Variants in PBLD observed in about 807,000 individuals in gnomAD.
PBLD encodes the protein phenazine biosynthesis-like domain-containing protein.
PBLD carries 26 observed loss-of-function variants against 31.3 expected under a neutral mutation model. That is an observed-to-expected ratio of 0.83 (90% CI 0.61 to 1.15). PBLD has a LOEUF of 1.15. PBLD is among the 50% of genes most tolerant of loss of function. PBLD has a pLI of 0.00. For synonymous variants in PBLD, 114 were observed against 129.0 expected (o/e 0.88, Z 0.79); for missense variants, 307 against 351.7 (o/e 0.87, Z 1.02).
intron 1 of PBLD, among the ~76,000 whole-genome samples, chr10:68,320,365 AATAC>A (rs1368900414): frequency 6.6e-6 from 1 of 152,174 alleles, no homozygotes; most frequent in Non-Finnish European, 1.5e-5. Flanking sequence ...AGAGCCCCAA[AATAC>A]ATGATGCAAA....
In PBLD at chr10:68,284,185, T is replaced by A; in HGVS notation, c.859A>T (p.Thr287Ser). ...TCACAGCATAACCACCTCTAGGCTG[T>A]CAGTGTGCCCTCTAAAACAACAGCT... ...GAAVVLEGTL[T>S]A The change falls in exon 10 of 10, where the codon ACA (threonine) becomes TCA (serine). Residue 287 changes from threonine (T) to serine (S), a missense_variant. Thr to Ser is a moderately conservative substitution (Grantham distance 58). Transcript: ENST00000358769. 1 of 1,613,730 alleles carries A rather than the reference T, an allele frequency of 6.2e-7. No homozygotes were observed. Among genetic ancestry groups the A allele is most frequent in the South Asian group, 1.1e-5 (1 of 91,062 alleles).
At chr10:68,329,054 G>A (rs1041544172) in intron 1 of PBLD, among the ~76,000 whole-genome samples, 13 of 152,232 alleles carry the variant, frequency 8.5e-5, no homozygotes, top group Admixed American at 5.9e-4. Context: ...AATTTTTATA[G>A]TTTTAGCAGA....
At chr10:68,324,960 TC>T (rs61104570) in intron 1 of PBLD, among the ~76,000 whole-genome samples, 151,966 of 151,966 alleles carry the variant, frequency 1, 75,983 homozygotes, top group Non-Finnish European at 1. Context: ...AAACACTACA[TC>T]TGGGCTAGGT....
intron 1 of PBLD, among the ~76,000 whole-genome samples, chr10:68,319,843 G>A (rs1398132531): frequency 2.2e-5 from 3 of 139,246 alleles, no homozygotes; most frequent in Non-Finnish European, 4.6e-5. Context: ...TTTTTTTTGA[G>A]ATGGAGTTTC....
intron 4 of PBLD, among the ~76,000 whole-genome samples, chr10:68,295,133 T>C (rs933508132): frequency 6.6e-6 from 1 of 152,150 alleles, no homozygotes; most frequent in African/African-American, 2.4e-5. Context: ...AGAATTAAGG[T>C]GCTGCAACTC....
intron 1 of PBLD, among the ~76,000 whole-genome samples, chr10:68,311,542 C>T (rs538574283): frequency 1.4e-4 from 21 of 151,362 alleles, no homozygotes; most frequent in Admixed American, 4.6e-4. Flanking sequence ...GCGGAGATCG[C>T]GCCACTGCAC....
At chr10:68,310,398 T>A (rs1419151033) in intron 1 of PBLD, among the ~76,000 whole-genome samples, 2 of 147,364 alleles carry the variant, frequency 1.4e-5, no homozygotes, top group Admixed American at 7.0e-5. Context: ...CATTGTGAAA[T>A]GGTTAAATCT....
chr10:68,302,909 T>C (rs1420237922), intron 2 of PBLD, among the ~76,000 whole-genome samples: 2 of 150,934 alleles, frequency 1.3e-5, no homozygotes, highest in Non-Finnish European at 3.0e-5. Flanking sequence ...CCACAACCAG[T>C]AGCTAGTCAT....
chr10:68,327,795 T>C (rs536792845), intron 1 of PBLD, among the ~76,000 whole-genome samples: 2 of 152,300 alleles, frequency 1.3e-5, no homozygotes, highest in South Asian at 2.1e-4. Context: ...AATAATTTCA[T>C]TTAAATTATT....
chr10:68,292,269 A>G, intron 4 of PBLD, 31 bp from the exon 5 acceptor site: 1 of 1,569,396 alleles, frequency 6.4e-7, no homozygotes, highest in Non-Finnish European at 8.7e-7. Flanking sequence ...GAAATAGGAA[A>G]TAAACTTTGT....
At chr10:68,323,710 G>C (rs1005068004) in intron 1 of PBLD, among the ~76,000 whole-genome samples, 1 of 152,168 alleles carries the variant, frequency 6.6e-6, no homozygotes, top group Non-Finnish European at 1.5e-5. Flanking sequence ...ATAACTAATA[G>C]AGTATACTTC....
At chr10:68,327,310 G>A (rs1416754658) in intron 1 of PBLD, among the ~76,000 whole-genome samples, 1 of 152,056 alleles carries the variant, frequency 6.6e-6, no homozygotes, top group African/African-American at 2.4e-5. Context: ...TGTGACCATC[G>A]TTATTTTTTG....
At position 68,285,487 on chromosome 10, in the gene PBLD, C is replaced by A. The variant is rs1427955173; in HGVS notation, c.692-77G>T. 19 of 1,527,446 alleles carry A rather than the reference C, an allele frequency of 1.2e-5. No homozygotes were observed. In the South Asian group the frequency reaches 1.3e-4, roughly 10 times the overall value. 94.6% of individuals were successfully genotyped at this position (1,527,446 alleles called of 1,614,324 possible). On this transcript the variant is annotated intron_variant, in intron 8 of 9. Transcript: ENST00000358769. ...TTTGTGGTAAATTTCTAAGCAATTA[C>A]AATCAATTATCCAGTTTGAATAAAC... is the stretch of plus-strand genomic sequence containing the variant.
intron 1 of PBLD, among the ~76,000 whole-genome samples, chr10:68,313,752 T>G (rs970130478): frequency 8.5e-5 from 13 of 152,194 alleles, no homozygotes; most frequent in Non-Finnish European, 1.9e-4. Context: ...TAAATTGATA[T>G]TAAGATGCTT....
At chr10:68,330,794 G>T (rs1349426686) in intron 1 of PBLD, among the ~76,000 whole-genome samples, 1 of 151,544 alleles carries the variant, frequency 6.6e-6, no homozygotes, top group Non-Finnish European at 1.5e-5. Context: ...GTGTTAGCCA[G>T]GATGAACTTG....
intron 2 of PBLD, among the ~76,000 whole-genome samples, chr10:68,306,156 A>ACTATC (rs2044575734): frequency 6.6e-6 from 1 of 151,628 alleles, no homozygotes; most frequent in African/African-American, 2.4e-5. Flanking sequence ...TATCTATTTA[A>ACTATC]CTATTAATAT....
chr10:68,332,468 A>G (rs1447677876), intron 1 of PBLD, among the ~76,000 whole-genome samples: 1 of 152,160 alleles, frequency 6.6e-6, no homozygotes, highest in African/African-American at 2.4e-5. Flanking sequence ...GACATCCAGC[A>G]TTTTCCCCTT....
chr10:68,319,061 A>G lies in PBLD; in HGVS notation c.-59-12158T>C, dbSNP rs796266095. On this transcript the variant is annotated intron_variant, in intron 1 of 9. Transcript: ENST00000358769. ...AGAAAGAAAGAAAGAGAGAGAAAGA[A>G]AGAAAGAAAGAAAGAAAGAAAGAAA... Among the ~76,000 whole-genome samples, 582 of 84,008 alleles carry G rather than the reference A, an allele frequency of 6.9e-3. 1 individual carries two copies. The highest frequency in any genetic ancestry group is 0.013 in the Admixed American group (102 of 7,866). The allele number at this position is 84,008 out of a possible 152,430, so 55.1% of individuals were successfully genotyped here.
At chr10:68,327,700 C>T (rs1164864690) in intron 1 of PBLD, among the ~76,000 whole-genome samples, 2 of 143,516 alleles carry the variant, frequency 1.4e-5, no homozygotes, top group Non-Finnish European at 3.1e-5. Context: ...AAAAAAATCA[C>T]GTTGGGGGAA....
Sources: gnomAD v4.1 joint callset for allele counts (sites outside exome capture counted in the v4.1 genomes callset) on GRCh38, gnomAD v4.1.1 for gene constraint, MANE v1.5 for transcripts, NCBI Gene and HGNC (gene_info 2026-07-23, HGNC 2026-07-21) for gene names.